NAA11: variants seen among roughly 807,000 people sequenced by gnomAD.
NAA11 encodes the protein N-alpha-acetyltransferase 11, NatA catalytic subunit.
Under a neutral mutation model 16.1 loss-of-function variants are expected in NAA11, and 15 were observed. The ratio of observed to expected loss-of-function variants is 0.93; its 90% confidence interval spans 0.62 to 1.44. NAA11 has a LOEUF of 1.44. NAA11 is among the 40% of genes most tolerant of loss of function. NAA11 has a pLI of 0.00. For synonymous variants in NAA11, 122 were observed against 112.4 expected (o/e 1.09, Z -0.54); for missense variants, 298 against 291.3 (o/e 1.02, Z -0.17).
At chr4:79,211,258 A>G in the NAA11 span, among the ~76,000 whole-genome samples, 2 of 152,184 alleles carry the variant, frequency 1.3e-5, no homozygotes, top group Non-Finnish European at 2.9e-5. Flanking sequence ...GCATGTTCTA[A>G]TAAAGGCAGG....
chr4:79,320,227 A>G (rs1724052703), intron 1 of NAA11, among the ~76,000 whole-genome samples: 1 of 152,242 alleles, frequency 6.6e-6, no homozygotes. Flanking sequence ...TTTGACATTT[A>G]GCTTGTCAGT....
At chr4:79,288,661 T>C (rs1723007041) in intron 2 of NAA11, among the ~76,000 whole-genome samples, 2 of 152,168 alleles carry the variant, frequency 1.3e-5, no homozygotes, top group Non-Finnish European at 2.9e-5. Context: ...ATAGATATCA[T>C]TATTTACATT....
At chr4:79,251,733 A>G (rs1183015249) in intron 2 of NAA11, among the ~76,000 whole-genome samples, 1 of 152,200 alleles carries the variant, frequency 6.6e-6, no homozygotes, top group East Asian at 1.9e-4. Context: ...CCCACTTATA[A>G]TAATTTATGT....
At chr4:79,186,714 A>C in the NAA11 span, among the ~76,000 whole-genome samples, 137 of 152,288 alleles carry the variant, frequency 9.0e-4, no homozygotes, top group African/African-American at 3.1e-3. Flanking sequence ...TCAAATGGAG[A>C]TAAAATATTT....
At position 79,321,414 on chromosome 4, in the gene NAA11, T is replaced by C. The variant is rs1388739442; in HGVS notation, c.*13-3623A>G. On this transcript the variant is annotated intron_variant, in intron 1 of 1. Transcript: ENST00000286794. ...TTTAAAACCTTTATTAACCACTATA[T>C]ACATTCTTTTCTCTCATCTGCTAGT... 2.0e-5 allele frequency among the ~76,000 whole-genome samples: 3 copies of C among 152,222 alleles called. No individual in the cohort carries two copies. In the East Asian group the frequency reaches 5.8e-4, roughly 29 times the overall value.
At chr4:79,320,198 C>T (rs770102945) in intron 1 of NAA11, among the ~76,000 whole-genome samples, 12 of 152,128 alleles carry the variant, frequency 7.9e-5, no homozygotes, top group Admixed American at 1.3e-4. Flanking sequence ...CGTTGACAAG[C>T]GTTGATTCAG....
At chr4:79,246,402 AAAAAT>A (rs754990501) in intron 2 of NAA11, among the ~76,000 whole-genome samples, 1 of 34,644 alleles carries the variant, frequency 2.9e-5, no homozygotes, top group Admixed American at 3.2e-4. Context: ...AAAAAAAAGA[AAAAAT>A]AAGAATTTGA....
chr4:79,181,135 G>A, the NAA11 span, among the ~76,000 whole-genome samples: 10 of 151,612 alleles, frequency 6.6e-5, no homozygotes, highest in Admixed American at 5.3e-4. Flanking sequence ...TGTAAATGAC[G>A]AGTTAATGGG....
intron 2 of NAA11, among the ~76,000 whole-genome samples, chr4:79,285,462 A>T (rs1722886056): frequency 6.6e-6 from 1 of 152,100 alleles, no homozygotes; most frequent in Non-Finnish European, 1.5e-5. Context: ...TAAATAAGAT[A>T]TTCACTTAAC....
At chr4:79,280,247 T>TTGAACC (rs1722752514) in intron 2 of NAA11, among the ~76,000 whole-genome samples, 1 of 25,066 alleles carries the variant, frequency 4.0e-5, no homozygotes, top group African/African-American at 5.8e-4. Context: ...GCAGTAAGGT[T>TTGAACC]GTGCCTCTTT....
At chr4:79,289,081 A>G (rs1382636103) in intron 2 of NAA11, among the ~76,000 whole-genome samples, 1 of 152,244 alleles carries the variant, frequency 6.6e-6, no homozygotes, top group East Asian at 1.9e-4. Context: ...ATTGCAGTGA[A>G]TATCACTAGA....
the NAA11 span, among the ~76,000 whole-genome samples, chr4:79,199,037 AT>A: frequency 6.6e-6 from 1 of 151,920 alleles, no homozygotes; most frequent in Non-Finnish European, 1.5e-5. Flanking sequence ...TCACAAATCA[AT>A]ACCATGGTTG....
At chr4:79,160,012 A>G in the NAA11 span, among the ~76,000 whole-genome samples, 1 of 146,348 alleles carries the variant, frequency 6.8e-6, no homozygotes, top group Admixed American at 6.8e-5. Flanking sequence ...TTTTTTTAAG[A>G]CAGAGTTTTG....
rs1578199860 is a variant in NAA11 at position 79,325,355 on chromosome 4, T to C, written c.523A>G (p.Arg175Gly). Reference sequence around the variant, plus strand: ...CTGCCCTGGGTCTCCTGGTTCTCCCTGGAGCCCAGGACCACATACCCGCCC... The same window carrying C: ...CTGCCCTGGGTCTCCTGGTTCTCCCCGGAGCCCAGGACCACATACCCGCCC... Reference protein sequence around the residue: ...KKGGYVVLGSRENQETQGSTL... With the variant: ...KKGGYVVLGSGENQETQGSTL... Residue 175 changes from arginine (R) to glycine (G), a missense_variant, in exon 1 of 2, where the codon AGG (arginine) becomes GGG (glycine). Physicochemically the swap from Arg to Gly is moderately radical, Grantham distance 125 (BLOSUM62 -2). Transcript: ENST00000286794. 6.2e-7 allele frequency: 1 copy of C among 1,614,012 alleles called. No individual in the cohort carries two copies.
At chr4:79,236,300 G>GT (rs1347770977) in intron 2 of NAA11, among the ~76,000 whole-genome samples, 2 of 151,450 alleles carry the variant, frequency 1.3e-5, no homozygotes, top group African/African-American at 4.9e-5. Flanking sequence ...ACATCTTTTT[G>GT]TTTTTTTAAG....
At chr4:79,276,895 A>T (rs534639964) in intron 2 of NAA11, among the ~76,000 whole-genome samples, 15 of 152,290 alleles carry the variant, frequency 9.8e-5, no homozygotes, top group African/African-American at 3.6e-4. Flanking sequence ...GACAGTTAGT[A>T]AAAATGTAGA....
chr4:79,272,721 G>T lies in NAA11; in HGVS notation c.*122+21284C>A, dbSNP rs368055268. On this transcript the variant is annotated intron_variant and NMD_transcript_variant, in intron 2 of 2. Coordinates refer to the NAA11 transcript ENST00000511542. The stretch of plus-strand genomic sequence containing the variant: ...GGGGTTCATAGAAAGTAAGGTGGGG[G>T]CTATGTTCCAGTTACTAATTGTTAC... 1.9e-4 allele frequency among the ~76,000 whole-genome samples: 29 copies of T among 152,056 alleles called. No homozygotes were observed. In the East Asian group the frequency reaches 2.5e-3, roughly 13 times the overall value.
At chr4:79,293,991 A>C (rs946472909) in intron 2 of NAA11, 3 of 152,328 alleles carry the variant, frequency 2.0e-5, no homozygotes, top group Non-Finnish European at 4.4e-5. Context: ...CATTGCTCTC[A>C]AACCCTCTCT....
intron 2 of NAA11, among the ~76,000 whole-genome samples, chr4:79,276,425 G>A (rs1477222092): frequency 6.6e-6 from 1 of 152,046 alleles, no homozygotes; most frequent in South Asian, 2.1e-4. Flanking sequence ...GCTATATCCC[G>A]AAGTTCGCCA....
Sources: allele counts gnomAD v4.1 joint callset (sites outside exome capture counted in the v4.1 genomes callset), GRCh38; gene constraint gnomAD v4.1.1; transcripts MANE v1.5; gene names NCBI Gene and HGNC (gene_info 2026-07-23, HGNC 2026-07-21).